BBS9: variants seen among roughly 807,000 people sequenced by gnomAD.
BBS9 encodes Bardet-Biedl syndrome 9.
In BBS9, 89 loss-of-function variants were observed where a neutral mutation model predicts 117.7. The ratio of observed to expected loss-of-function variants is 0.76; its 90% CI spans 0.64 to 0.90. The LOEUF (loss-of-function observed/expected upper bound fraction) is 0.90, where lower values mean the gene tolerates loss of function less well. Among genes scored for constraint, BBS9 ranks in the 40% least tolerant of loss-of-function variants. The probability of loss-of-function intolerance (pLI) is 0.00; values close to 1 mark genes in which losing one functional copy is unlikely to be tolerated. For synonymous variants in BBS9, 379 were observed against 370.9 expected, an observed-to-expected ratio of 1.02 and a Z score of -0.25; for missense variants, 982 against 1,042.2, an observed-to-expected ratio of 0.94 and a Z score of 0.80.
chr7:33,614,113 T>C (rs1429251723), intron 21 of BBS9, among the ~76,000 whole-genome samples: 3 of 152,118 alleles, frequency 2.0e-5, no homozygotes, highest in African/African-American at 7.2e-5. Flanking sequence ...AGCTTTCACA[T>C]TGATAGTTTC....
chr7:33,616,681 GT>G (rs201669965), intron 21 of BBS9, among the ~76,000 whole-genome samples: 3 of 150,910 alleles, frequency 2.0e-5, no homozygotes, highest in Admixed American at 6.6e-5. Context: ...GTCACTTTGG[GT>G]TTTTTTTCAT....
intron 19 of BBS9, among the ~76,000 whole-genome samples, chr7:33,467,642 AGGACACAAAT>A: frequency 6.7e-6 from 1 of 150,228 alleles, no homozygotes; most frequent in Admixed American, 6.6e-5. Context: ...TCCTTACCTA[AGGACACAAAT>A]TGCACATAAC....
chr7:33,480,437 G>A (rs1048997572), intron 19 of BBS9, among the ~76,000 whole-genome samples: 2 of 152,194 alleles, frequency 1.3e-5, no homozygotes, highest in African/African-American at 4.8e-5. Context: ...CATAGAGTAA[G>A]TTTTGAAATG....
At chr7:33,479,592 A>G (rs1400573506) in intron 19 of BBS9, among the ~76,000 whole-genome samples, 1 of 152,130 alleles carries the variant, frequency 6.6e-6, no homozygotes, top group Non-Finnish European at 1.5e-5. Flanking sequence ...TGTGTTGTAG[A>G]ATGATATATT....
At chr7:33,303,733 T>C (rs1807087867) in intron 9 of BBS9, among the ~76,000 whole-genome samples, 1 of 152,130 alleles carries the variant, frequency 6.6e-6, no homozygotes, top group Non-Finnish European at 1.5e-5. Flanking sequence ...GGTCTCCAGC[T>C]CCTGACCTCG....
intron 5 of BBS9, among the ~76,000 whole-genome samples, chr7:33,219,226 C>T (rs895715226): frequency 7.9e-5 from 12 of 152,326 alleles, no homozygotes; most frequent in East Asian, 3.9e-4. Flanking sequence ...GCAGGGCTCG[C>T]GACCTGCAGC....
At chr7:33,390,518 A>G (rs1038089005) in intron 19 of BBS9, 2 of 968,306 alleles carry the variant, frequency 2.1e-6, no homozygotes, top group African/African-American at 1.8e-5. Context: ...TATGAGTACT[A>G]TAAGGATTTT....
chr7:33,425,166 G>C (rs527285717), intron 19 of BBS9, among the ~76,000 whole-genome samples: 20 of 152,132 alleles, frequency 1.3e-4, no homozygotes, highest in Middle Eastern at 6.8e-3. Flanking sequence ...TACATAAATG[G>C]AGAAGTTCTC....
intron 19 of BBS9, among the ~76,000 whole-genome samples, chr7:33,426,875 A>G (rs576271057): frequency 6.6e-6 from 1 of 152,156 alleles, no homozygotes; most frequent in African/African-American, 2.4e-5. Flanking sequence ...GTTCTGTACT[A>G]TATTCTGTAC....
At chr7:33,437,275 C>T (rs539961710) in intron 19 of BBS9, among the ~76,000 whole-genome samples, 4 of 152,184 alleles carry the variant, frequency 2.6e-5, no homozygotes, top group Non-Finnish European at 5.9e-5. Context: ...GCATGGCTCA[C>T]CCTTTGTGAA....
chr7:33,349,202 A>G (rs1563042724), intron 13 of BBS9, 32 bp downstream of exon 13: 2 of 1,489,602 alleles, frequency 1.3e-6, no homozygotes, highest in Non-Finnish European at 1.9e-6. Context: ...AAAGTCTACC[A>G]TGGTGTGAAT....
chr7:33,613,132 A>G lies in BBS9; in HGVS notation c.2522-22045A>G, dbSNP rs569927219. Among the ~76,000 whole-genome samples the G allele has an allele frequency of 1.6e-4, 25 of 152,228 alleles. No homozygotes were observed. The South Asian group carries it at 4.8e-3, about 29-fold the overall frequency. On this transcript the variant is annotated intron_variant, in intron 21 of 21. Transcript: ENST00000671952. ...TACAAGATGACAAAAACTCAACTTT[A>G]GAAGAAAGTAATTAGGAAAGGGAGC...
rs13244009 is a variant in BBS9, at chr7:33,431,267, G to A, written c.2115+43123G>A. On this transcript the variant is annotated intron_variant, in intron 19 of 22. Transcript: ENST00000242067. ...AAAGCTGTTCTTGTCCAATAAAGAA[G>A]TGACTAATAGCATTCTGGGTTTGGG... is the stretch of plus-strand genomic sequence containing the variant. Among the ~76,000 whole-genome samples, 584 of 152,000 alleles carry A rather than the reference G, an allele frequency of 3.8e-3. 1 individual carries two copies. Among genetic ancestry groups the A allele is most frequent in the Middle Eastern group, 6.8e-3 (2 of 292 alleles).
chr7:33,136,360 C>G (rs1175204733), intron 1 of BBS9, among the ~76,000 whole-genome samples: 1 of 151,808 alleles, frequency 6.6e-6, no homozygotes, highest in Non-Finnish European at 1.5e-5. Flanking sequence ...CTTTTCTTAC[C>G]TAATTGCTAT....
intron 9 of BBS9, among the ~76,000 whole-genome samples, chr7:33,275,718 T>G (rs986158207): frequency 6.6e-6 from 1 of 152,186 alleles, no homozygotes; most frequent in African/African-American, 2.4e-5. Context: ...AGTTGAAATA[T>G]ATATATTTTT....
At chr7:33,269,891 C>T (rs866872898) in intron 7 of BBS9, among the ~76,000 whole-genome samples, 15 of 151,858 alleles carry the variant, frequency 9.9e-5, no homozygotes, top group South Asian at 6.3e-4. Context: ...GGTGTGGTGG[C>T]GTGTGCCTGT....
At chr7:33,264,687 TA>T (rs1284756805) in intron 7 of BBS9, among the ~76,000 whole-genome samples, 4 of 152,126 alleles carry the variant, frequency 2.6e-5, no homozygotes, top group Non-Finnish European at 5.9e-5. Flanking sequence ...CAAAATTTTG[TA>T]GATTATATTC....
Position 33,390,147 on chromosome 7 carries a change from ATTCTGGGGTCTACCG to A in BBS9, c.2115+2005_2115+2019del, listed in dbSNP as rs1439286339. On this transcript the variant is annotated intron_variant, in intron 19 of 22. Transcript: ENST00000242067. ...ATTTCTTTGTTCACTTTTCTTTCTC[ATTCTGGGGTCTACCG>A]TCATCCCTGCCTGCCATACTTGAGG... 4.6e-5 allele frequency: 24 copies of A among 519,868 alleles called. 1 individual carries two copies. The highest frequency in any genetic ancestry group is 2.0e-3 in the Middle Eastern group (2 of 986). The allele number at this position is 519,868 out of a possible 1,614,324, so 32.2% of individuals were successfully genotyped here. A position where few individuals can be genotyped will look rare whatever the true frequency, so the allele number is the denominator to read the frequency against.
chr7:33,555,894 A>G (rs1165461400), intron 21 of BBS9, among the ~76,000 whole-genome samples: 1 of 152,204 alleles, frequency 6.6e-6, no homozygotes, highest in African/African-American at 2.4e-5. Context: ...ATATGCTTCA[A>G]CTTAATAATT....
Sources: allele counts gnomAD v4.1 joint callset (sites outside exome capture counted in the v4.1 genomes callset), GRCh38; gene constraint gnomAD v4.1.1; transcripts MANE v1.5; gene names NCBI Gene and HGNC (gene_info 2026-07-23, HGNC 2026-07-21).